Variants in ZFAT observed in about 807,000 individuals in gnomAD.
The protein encoded by ZFAT is zinc finger protein ZFAT.
ZFAT carries 64 observed loss-of-function variants against 117.7 expected under a neutral mutation model. That is an observed-to-expected ratio of 0.54 (90% CI 0.44 to 0.67). The LOEUF is 0.67. Among genes scored for constraint, ZFAT ranks in the 30% least tolerant of loss-of-function variants. The pLI is 0.00. For missense variants in ZFAT, 1,433 were observed against 1,584.5 expected (o/e 0.90, Z 1.62); for synonymous variants, 679 against 615.0 (o/e 1.10, Z -1.54).
chr8:134,751,410 G>A, the ZFAT span, among the ~76,000 whole-genome samples: 1 of 152,168 alleles, frequency 6.6e-6, no homozygotes, highest in African/African-American at 2.4e-5. Context: ...GTCGGGATAC[G>A]TGGGTTGGGG....
At chr8:134,565,159 C>G in intron 11 of ZFAT, 174 bp downstream of exon 11, 4 of 1,531,084 alleles carry the variant, frequency 2.6e-6, no homozygotes, top group Non-Finnish European at 3.5e-6. Flanking sequence ...GCTTCTGGAA[C>G]GAGAGAGCAC....
At chr8:134,627,220 C>A (rs1829579298) in intron 3 of ZFAT, among the ~76,000 whole-genome samples, 1 of 152,154 alleles carries the variant, frequency 6.6e-6, no homozygotes, top group South Asian at 2.1e-4. Context: ...AGGGAGCAGA[C>A]TCAGAAGGAG....
rs189005993 is a variant in ZFAT at position 134,551,069 on chromosome 8, G to A, written c.2976+14264C>T. ...AGCATTTTGATTGAAGATTTTGCTC[G>A]AGTCTTGATAGCTAAACATACAGCT... is the stretch of plus-strand genomic sequence containing the variant. On this transcript the variant is annotated intron_variant, in intron 11 of 15. Coordinates refer to ENST00000377838, the MANE Select transcript of ZFAT (RefSeq NM_020863.4). Among the ~76,000 whole-genome samples, 69 of 152,252 alleles carry A rather than the reference G, an allele frequency of 4.5e-4. No homozygotes were observed. The East Asian group carries it at 5.8e-3, about 13-fold the overall frequency.
the ZFAT span, among the ~76,000 whole-genome samples, chr8:134,739,789 G>A: frequency 3.3e-5 from 5 of 152,366 alleles, no homozygotes; most frequent in Admixed American, 3.3e-4. Context: ...GTGTAGCAGA[G>A]GCTGAGGACT....
chr8:134,638,130 T>A (rs1332355402), intron 2 of ZFAT, among the ~76,000 whole-genome samples: 2 of 152,198 alleles, frequency 1.3e-5, no homozygotes, highest in African/African-American at 4.8e-5. Context: ...GTCATGCCCT[T>A]AATGAGTTAC....
the ZFAT span, among the ~76,000 whole-genome samples, chr8:134,811,276 A>C: frequency 6.6e-6 from 1 of 152,220 alleles, no homozygotes; most frequent in Non-Finnish European, 1.5e-5. Context: ...CAAATTTGAC[A>C]AACATGAAAC....
intron 2 of ZFAT, among the ~76,000 whole-genome samples, chr8:134,657,068 T>C (rs1185617213): frequency 6.6e-6 from 1 of 152,238 alleles, no homozygotes; most frequent in Non-Finnish European, 1.5e-5. Context: ...ATAGACTTAT[T>C]TATTAATCAT....
intron 15 of ZFAT, among the ~76,000 whole-genome samples, chr8:134,481,166 A>T (rs1817277639): frequency 6.6e-6 from 1 of 152,214 alleles, no homozygotes. Context: ...CCAGGATTTT[A>T]GAAGTAAATA....
At chr8:134,492,825 C>T (rs980149260) in intron 15 of ZFAT, among the ~76,000 whole-genome samples, 3 of 152,168 alleles carry the variant, frequency 2.0e-5, no homozygotes, top group Non-Finnish European at 4.4e-5. Context: ...TATATACCTG[C>T]ACAGGACAAA....
the ZFAT span, among the ~76,000 whole-genome samples, chr8:134,821,902 A>C: frequency 1.3e-5 from 2 of 152,144 alleles, no homozygotes; most frequent in Non-Finnish European, 2.9e-5. Context: ...AAATAACAAC[A>C]ACAAGGAAAA....
At chr8:134,805,203 T>G in the ZFAT span, among the ~76,000 whole-genome samples, 1 of 152,300 alleles carries the variant, frequency 6.6e-6, no homozygotes, top group East Asian at 1.9e-4. Context: ...GATATTACCC[T>G]GATATCCTAC....
chr8:134,824,763 T>C, the ZFAT span, among the ~76,000 whole-genome samples: 1 of 152,120 alleles, frequency 6.6e-6, no homozygotes. Flanking sequence ...AAAATTATAA[T>C]ACAGAAAAAA....
chr8:134,530,544 G>A (rs571413270), intron 12 of ZFAT, among the ~76,000 whole-genome samples: 12 of 152,282 alleles, frequency 7.9e-5, no homozygotes, highest in Non-Finnish European at 1.3e-4. Flanking sequence ...AGAGCACAAC[G>A]GCGCATGGCC....
At chr8:134,482,707 A>C (rs1330702749) in intron 15 of ZFAT, among the ~76,000 whole-genome samples, 1 of 152,242 alleles carries the variant, frequency 6.6e-6, no homozygotes, top group East Asian at 1.9e-4. Context: ...ATCAGAGTAC[A>C]AAAAAGTTTT....
At chr8:134,814,258 T>C in the ZFAT span, among the ~76,000 whole-genome samples, 1 of 152,298 alleles carries the variant, frequency 6.6e-6, no homozygotes, top group Admixed American at 6.5e-5. Flanking sequence ...TACTTCAAAA[T>C]AAAATACAGT....
At chr8:134,695,049 C>T (rs1833757530) in intron 1 of ZFAT, among the ~76,000 whole-genome samples, 1 of 152,200 alleles carries the variant, frequency 6.6e-6, no homozygotes, top group South Asian at 2.1e-4. Context: ...GCACCGCAAA[C>T]TGATGGGCCT....
the ZFAT span, among the ~76,000 whole-genome samples, chr8:134,804,572 G>T: frequency 3.9e-5 from 6 of 152,148 alleles, no homozygotes; most frequent in Non-Finnish European, 5.9e-5. Flanking sequence ...TTAAACTCCA[G>T]CCTACTTGGA....
At chr8:134,549,552 G>A (rs907096878) in intron 11 of ZFAT, among the ~76,000 whole-genome samples, 2 of 151,822 alleles carry the variant, frequency 1.3e-5, no homozygotes, top group African/African-American at 2.4e-5. Flanking sequence ...TCCCCACCCC[G>A]CAGCAAGAAG....
chr8:134,594,559 A>G (rs1463866413), intron 7 of ZFAT, among the ~76,000 whole-genome samples: 1 of 152,246 alleles, frequency 6.6e-6, no homozygotes, highest in Non-Finnish European at 1.5e-5. Flanking sequence ...ATCAGACTCA[A>G]TAGATGCACC....
Sources: gnomAD v4.1 joint callset for allele counts (sites outside exome capture counted in the v4.1 genomes callset) on GRCh38, gnomAD v4.1.1 for gene constraint, MANE v1.5 for transcripts, NCBI Gene and HGNC (gene_info 2026-07-23, HGNC 2026-07-21) for gene names.